THBS2: variants seen among roughly 807,000 people sequenced by gnomAD.
THBS2 encodes the protein thrombospondin-2.
Under a neutral mutation model 135.2 loss-of-function variants are expected in THBS2, and 47 were observed. The ratio of observed to expected loss-of-function variants is 0.35; its 90% confidence interval spans 0.28 to 0.44. The LOEUF is 0.44. Ranked by LOEUF, THBS2 falls within the 20% of genes least tolerant of loss-of-function variation. THBS2 has a pLI of 1.00. For missense variants in THBS2, 1,288 were observed against 1,603.1 expected (o/e 0.80, Z 3.36); for synonymous variants, 639 against 633.8 (o/e 1.01, Z -0.12).
Position 169,217,483 on chromosome 6 carries a change from C to A in THBS2, c.*339G>T. ...CTTCAACTCCATATACACATAAATA[C>A]AATAAGTAATTACATTTTATATGTA... On this transcript the variant is annotated 3_prime_UTR_variant, in exon 22 of 22. Transcript: ENST00000617924. The A allele has an allele frequency of 3.1e-6, 1 of 326,260 alleles. No individual in the cohort carries two copies. Among genetic ancestry groups the A allele is most frequent in the East Asian group, 4.9e-5 (1 of 20,332 alleles). 20.2% of individuals were successfully genotyped at this position (326,260 alleles called of 1,614,324 possible).
rs1427271124 is a variant in THBS2 at position 169,225,144 on chromosome 6, C to T, written c.2773+1G>A. On this transcript the variant is annotated splice_donor_variant, in intron 17 of 21. Coordinates refer to ENST00000617924, the MANE Select transcript of THBS2 (RefSeq NM_003247.5). LOFTEE classifies it high-confidence loss of function. ...CGCCCATGAGCTGAGAGAGCACCCA[C>T]CGTCCAAGTCCTCCTGGTCTGGGTT... The T allele has an allele frequency of 6.2e-7, 1 of 1,613,920 alleles. No individual in the cohort carries two copies. Among genetic ancestry groups the T allele is most frequent in the Non-Finnish European group, 8.5e-7 (1 of 1,179,940 alleles).
chr6:169,241,725 G>C lies in THBS2; in HGVS notation c.891+37C>G. On this transcript the variant is annotated intron_variant, in intron 5 of 21. Transcript: ENST00000617924. This position sits in a 1 kb window ranked among gnomAD's most constrained non-coding sequence, Gnocchi z 5.5. ...ATGGGCCAGCGGCGGAGCTGCCCAT[G>C]CCCTATGACCCCCGCGGCCCCTGCG... is the stretch of plus-strand genomic sequence containing the variant. 1 of 1,566,958 alleles carries C rather than the reference G, an allele frequency of 6.4e-7. No homozygotes were observed. Among genetic ancestry groups the C allele is most frequent in the Non-Finnish European group, 8.7e-7 (1 of 1,149,084 alleles).
rs769723366 is a variant in THBS2, at chr6:169,239,585, C to T, written c.1129+14G>A. 184 of 1,587,278 alleles carry T rather than the reference C, an allele frequency of 1.2e-4. 1 individual carries two copies. Among genetic ancestry groups the T allele is most frequent in the Admixed American group, 5.4e-5 (3 of 55,690 alleles). ...TAAAAATGCAGGATGCGCTTGCCGG[C>T]TGGCGATACTCACAGTGGAGGCAGG... is the stretch of plus-strand genomic sequence containing the variant. On this transcript the variant is annotated intron_variant, in intron 7 of 21. Transcript: ENST00000617924.
intron 1 of THBS2, among the ~76,000 whole-genome samples, chr6:169,251,717 AAAC>A (rs1227333834): frequency 1.3e-5 from 2 of 152,190 alleles, no homozygotes; most frequent in Non-Finnish European, 2.9e-5. Flanking sequence ...CCCTCTCCAG[AAAC>A]AACATTTGGT....
rs761020135 is a variant in THBS2 at position 169,241,890 on chromosome 6, C to G, written c.763G>C (p.Val255Leu). 1.2e-5 allele frequency: 19 copies of G among 1,612,060 alleles called. No individual in the cohort carries two copies. Among genetic ancestry groups the G allele is most frequent in the Non-Finnish European group, 1.6e-5 (19 of 1,179,966 alleles). ...RLGPHVTTEYVGPSSERRPEV... is the reference protein window; with the variant it reads ...RLGPHVTTEYLGPSSERRPEV... Reference sequence around the variant, plus strand: ...GGCCTCCTCTCCGAGCTGGGGCCCACGTACTCGGTGGTGACATGCGGACCC... The same window carrying G: ...GGCCTCCTCTCCGAGCTGGGGCCCAGGTACTCGGTGGTGACATGCGGACCC... The change falls in exon 5 of 22, where the codon GTG (valine) becomes CTG (leucine). Residue 255 changes from valine to leucine, a missense_variant. Around this residue, in one of 2 missense-constraint regions of THBS2, gnomAD observed 414 missense variants for 447.0 expected, o/e 0.93. Transcript: ENST00000617924. This position sits in a 1 kb window ranked among gnomAD's most constrained non-coding sequence, Gnocchi z 5.5.
At chr6:169,222,048 T>C in intron 19 of THBS2, 149 bp downstream of exon 19, 1 of 950,668 alleles carries the variant, frequency 1.1e-6, no homozygotes, top group Non-Finnish European at 1.5e-6. Context: ...ACAGTGTCTA[T>C]AATAAAGTAA....
intron 21 of THBS2, among the ~76,000 whole-genome samples, 191 bp from the exon 22 acceptor site, chr6:169,218,020 G>T (rs559206265): frequency 4.4e-5 from 4 of 91,438 alleles, no homozygotes; most frequent in African/African-American, 1.6e-4. Context: ...GGATGAGATG[G>T]GTCGGTGGGT....
At position 169,241,969 on chromosome 6, in the gene THBS2, G is replaced by T; in HGVS notation, c.695-11C>A. The T allele has an allele frequency of 6.3e-7, 1 of 1,598,834 alleles. No individual in the cohort carries two copies. On this transcript the variant is annotated splice_polypyrimidine_tract_variant and intron_variant, in intron 4 of 21. Transcript: ENST00000617924. This position sits in a 1 kb window ranked among gnomAD's most constrained non-coding sequence, Gnocchi z 5.5. ...TGGCGTTGATCTCAGCTGAGGGCAAGCGTAGAAGGGCCGTGAGCATCACAG... is the reference window on the plus strand; with the variant it reads ...TGGCGTTGATCTCAGCTGAGGGCAATCGTAGAAGGGCCGTGAGCATCACAG...
At chr6:169,218,243 AGATGGATG>A (rs563389294) in intron 21 of THBS2, among the ~76,000 whole-genome samples, 1 of 94,330 alleles carries the variant, frequency 1.1e-5, no homozygotes, top group Non-Finnish European at 2.1e-5. Context: ...TGGCTGGATG[AGATGGATG>A]GATGGGTGGA....
At chr6:169,229,424 T>C (rs1286401157) in intron 14 of THBS2, 148 bp downstream of exon 14, 2 of 602,880 alleles carry the variant, frequency 3.3e-6, no homozygotes, top group Non-Finnish European at 5.8e-6. Context: ...GGACTGTCTT[T>C]ATAGTGACCT....
At chr6:169,249,277 G>A (rs889461827) in intron 2 of THBS2, among the ~76,000 whole-genome samples, 1 of 152,098 alleles carries the variant, frequency 6.6e-6, no homozygotes, top group South Asian at 2.1e-4. Context: ...GACAGGCAGC[G>A]CCCTGTCCGT....
rs1484525865 is a variant in THBS2 at position 169,221,035 on chromosome 6, GCTAA to G, written c.3371+391_3371+394del. On this transcript the variant is annotated intron_variant, in intron 20 of 21. Coordinates refer to ENST00000617924, the MANE Select transcript of THBS2 (RefSeq NM_003247.5). ...AAGCCAAGGGAAAAGATTCTGTTGGGCTAACTGTGTCAAAACTTCATACAACCGT... is the reference window on the plus strand; with the variant it reads ...AAGCCAAGGGAAAAGATTCTGTTGGGCTGTGTCAAAACTTCATACAACCGT... Among the ~76,000 whole-genome samples the G allele has an allele frequency of 4.6e-5, 7 of 152,306 alleles. No homozygotes were observed. In the South Asian group the frequency reaches 6.2e-4, roughly 14 times the overall value.
Position 169,217,887 on chromosome 6 carries a change from ATTTAT to A in THBS2, c.3512-63_3512-59del, listed in dbSNP as rs1232346241. On this transcript the variant is annotated intron_variant, in intron 21 of 21. Coordinates refer to ENST00000617924, the MANE Select transcript of THBS2 (RefSeq NM_003247.5). The stretch of plus-strand genomic sequence containing the variant: ...TAGCATAACTGGGCCATGGGTAGTG[ATTTAT>A]TTTGTTTTACCTAGAACCAGAAATA... The A allele has an allele frequency of 4.0e-5, 62 of 1,540,242 alleles. No individual in the cohort carries two copies. In the East Asian group the frequency reaches 5.6e-4, roughly 14 times the overall value.
At chr6:169,230,181 T>A (rs2114991135) in intron 13 of THBS2, among the ~76,000 whole-genome samples, 1 of 151,918 alleles carries the variant, frequency 6.6e-6, no homozygotes, top group African/African-American at 2.4e-5. Context: ...ATCTGCTAAC[T>A]CAGCTTTTCA....
chr6:169,238,939 C>T (rs1450128687), intron 7 of THBS2, among the ~76,000 whole-genome samples: 1 of 152,034 alleles, frequency 6.6e-6, no homozygotes, highest in Non-Finnish European at 1.5e-5. Flanking sequence ...TGGGGAGCCA[C>T]GGATGGCTCA....
At chr6:169,231,372 A>G (rs935177503) in intron 13 of THBS2, among the ~76,000 whole-genome samples, 5 of 152,210 alleles carry the variant, frequency 3.3e-5, no homozygotes, top group Admixed American at 6.5e-5. Context: ...TGGGAGAAGC[A>G]GAGGGAGCAC....
rs368185880 is a variant in THBS2 at position 169,241,764 on chromosome 6, C to A, written c.889G>T (p.Val297Leu). 2.5e-5 allele frequency: 40 copies of A among 1,602,308 alleles called. No homozygotes were observed. The highest frequency in any genetic ancestry group is 3.3e-5 in the Non-Finnish European group (39 of 1,171,664). ...VNQLSENLKR[V>L]SNDNQFLWEL... ...GCGGCCCCTGCGTGAGTACCCACCA[C>A]TCTCTTGAGGTTCTCGCTGAGCTGG... The change falls in exon 5 of 22, where the codon GTG (valine) becomes TTG (leucine). Residue 297 changes from valine (V) to leucine (L), a missense_variant and splice_region_variant. Physicochemically the swap from Val to Leu is conservative, Grantham distance 32. Around this residue, in one of 2 missense-constraint regions of THBS2, gnomAD observed 414 missense variants for 447.0 expected, o/e 0.93. Transcript: ENST00000617924. The surrounding 1 kb of genome is among the most constrained non-coding windows in gnomAD (Gnocchi z 5.5).
chr6:169,250,613 G>T, intron 2 of THBS2, 120 bp downstream of exon 2: 1 of 745,370 alleles, frequency 1.3e-6, no homozygotes, highest in Non-Finnish European at 2.1e-6. Flanking sequence ...TTATAAAGGA[G>T]CTAGAAGGTC....
At chr6:169,237,502 A>G in intron 8 of THBS2, 123 bp downstream of exon 8, 1 of 1,519,988 alleles carries the variant, frequency 6.6e-7, no homozygotes, top group Non-Finnish European at 9.0e-7. Flanking sequence ...TCACCTGGCT[A>G]GAATCCTTGC....
Sources: allele counts gnomAD v4.1 joint callset (sites outside exome capture counted in the v4.1 genomes callset), GRCh38; gene constraint gnomAD v4.1.1; regional missense constraint gnomAD v4.1.1; non-coding constraint Gnocchi (gnomAD v3.1); transcripts MANE v1.5; gene names NCBI Gene and HGNC (gene_info 2026-07-23, HGNC 2026-07-21).